PROS1: variants seen among roughly 807,000 people sequenced by gnomAD.
The protein encoded by PROS1 is protein S.
Under a neutral mutation model 75.9 loss-of-function variants are expected in PROS1, and 29 were observed. The observed-to-expected ratio is 0.38, with a 90% confidence interval of 0.28 to 0.52. The LOEUF (loss-of-function observed/expected upper bound fraction) is 0.52, where lower values mean the gene tolerates loss of function less well. PROS1 is among the 20% of genes least tolerant of loss of function. PROS1 has a pLI of 0.83. For synonymous variants in PROS1, 245 were observed against 280.6 expected, an observed-to-expected ratio of 0.87 and a Z score of 1.27; for missense variants, 680 against 810.3, an observed-to-expected ratio of 0.84 and a Z score of 1.95.
chr3:93,886,480 A>G lies in PROS1; in HGVS notation c.1179T>C (p.His393=), dbSNP rs373182289. The G allele has an allele frequency of 1.9e-6, 3 of 1,609,898 alleles. No individual in the cohort carries two copies. The highest frequency in any genetic ancestry group is 2.6e-6 in the Non-Finnish European group (3 of 1,176,434). The change falls in exon 11 of 15, where the codon CAT becomes CAC. Residue 393 remains histidine (H), a synonymous_variant. Transcript: ENST00000394236. ...CTTTAGCTATTTTAATGCTAATACTATGTTCTAATTCTTCCACAGACACCT... is the reference window on the plus strand; with the variant it reads ...CTTTAGCTATTTTAATGCTAATACTGTGTTCTAATTCTTCCACAGACACCT... The part of the protein sequence containing the change: ...WNMVSVEELE[H]SISIKIAKEA...
intron 1 of PROS1, among the ~76,000 whole-genome samples, chr3:93,930,256 T>C (rs976257403): frequency 2.6e-5 from 4 of 152,260 alleles, no homozygotes; most frequent in Non-Finnish European, 5.9e-5. Context: ...AAGTGTGTTA[T>C]TGACTTATCA....
chr3:93,932,187 G>A (rs1216666883), intron 1 of PROS1, among the ~76,000 whole-genome samples: 1 of 152,196 alleles, frequency 6.6e-6, no homozygotes, highest in Non-Finnish European at 1.5e-5. Context: ...TGACATATGA[G>A]CACATAAATG....
intron 6 of PROS1, 76 bp downstream of exon 6, chr3:93,905,708 T>C: frequency 7.9e-6 from 12 of 1,525,266 alleles, no homozygotes; most frequent in Non-Finnish European, 9.9e-6. Context: ...TTTCCAAAAA[T>C]TTGCTAGTAA....
intron 10 of PROS1, among the ~76,000 whole-genome samples, chr3:93,889,936 AGGGTC>A (rs1708406549): frequency 6.6e-6 from 1 of 152,180 alleles, no homozygotes; most frequent in Admixed American, 6.5e-5. Context: ...GACTGCGTGC[AGGGTC>A]GGGCAAAATA....
intron 2 of PROS1, 98 bp downstream of exon 2, chr3:93,927,152 G>T: frequency 6.8e-7 from 1 of 1,468,606 alleles, no homozygotes; most frequent in South Asian, 1.2e-5. Context: ...CAGAATTATT[G>T]ACTTTAAGAT....
chr3:93,927,016 G>A (rs1242703540), intron 2 of PROS1, among the ~76,000 whole-genome samples: 2 of 152,160 alleles, frequency 1.3e-5, no homozygotes, highest in Non-Finnish European at 2.9e-5. Flanking sequence ...TGATAATGAG[G>A]TGTAACTGAA....
At chr3:93,919,170 A>T (rs1336584978) in intron 3 of PROS1, among the ~76,000 whole-genome samples, 5 of 152,194 alleles carry the variant, frequency 3.3e-5, no homozygotes, top group Admixed American at 3.3e-4. Context: ...TACCTGCATA[A>T]CAATTTCTTT....
intron 1 of PROS1, among the ~76,000 whole-genome samples, chr3:93,951,138 AG>A (rs1399255916): frequency 1.3e-5 from 2 of 152,186 alleles, no homozygotes; most frequent in African/African-American, 4.8e-5. Flanking sequence ...CTGAAAGTGA[AG>A]GGGAGAATGC....
intron 1 of PROS1, among the ~76,000 whole-genome samples, chr3:93,956,657 A>C (rs1262261943): frequency 1.3e-5 from 2 of 151,772 alleles, no homozygotes; most frequent in Non-Finnish European, 2.9e-5. Flanking sequence ...TTTGTGACTG[A>C]ATTTTGTGGT....
At chr3:93,956,270 T>C (rs1709596291) in intron 1 of PROS1, among the ~76,000 whole-genome samples, 1 of 152,184 alleles carries the variant, frequency 6.6e-6, no homozygotes, top group Non-Finnish European at 1.5e-5. Flanking sequence ...TCTTTGGTTC[T>C]CAAGAATTTT....
intron 3 of PROS1, among the ~76,000 whole-genome samples, chr3:93,923,076 GGTCTGAGCCTGGATCCCACATCTTGT>G (rs1361445826): frequency 6.6e-6 from 1 of 152,134 alleles, no homozygotes; most frequent in Non-Finnish European, 1.5e-5. Context: ...AAAATTTTTA[GGTCTGAGCCTGGATCCCACATCTTGT>G]GTTTTTGTTT....
chr3:93,962,711 C>T (rs530239256), intron 1 of PROS1, among the ~76,000 whole-genome samples: 31 of 152,074 alleles, frequency 2.0e-4, no homozygotes, highest in Admixed American at 4.6e-4. Context: ...AGACTCAAAC[C>T]CAAAGCTTTC....
intron 12 of PROS1, among the ~76,000 whole-genome samples, chr3:93,880,218 G>GA (rs574081010): frequency 4.7e-4 from 72 of 151,798 alleles, no homozygotes; most frequent in African/African-American, 1.0e-3. Context: ...CCATCCAGAA[G>GA]AAAAAAAATA....
chr3:93,965,412 C>T (rs1478035168), intron 1 of PROS1, among the ~76,000 whole-genome samples: 1 of 152,234 alleles, frequency 6.6e-6, no homozygotes, highest in Non-Finnish European at 1.5e-5. Context: ...GCCATTGTTC[C>T]TGCATGGCTA....
intron 9 of PROS1, among the ~76,000 whole-genome samples, chr3:93,893,647 T>C (rs1340459136): frequency 6.6e-6 from 1 of 151,812 alleles, no homozygotes; most frequent in African/African-American, 2.4e-5. Flanking sequence ...TAATTTCACA[T>C]GTCAGGAATC....
At chr3:93,889,632 C>G (rs1480963812) in intron 10 of PROS1, among the ~76,000 whole-genome samples, 2 of 152,020 alleles carry the variant, frequency 1.3e-5, no homozygotes, top group African/African-American at 4.8e-5. Context: ...AGTCAGGGAC[C>G]CCGAATGGAG....
At chr3:93,914,091 G>A (rs1449506712) in intron 3 of PROS1, among the ~76,000 whole-genome samples, 49 of 152,232 alleles carry the variant, frequency 3.2e-4, no homozygotes, top group African/African-American at 1.1e-3. Context: ...TTTGCTGGGC[G>A]TAGGCCATGC....
chr3:93,962,332 T>C (rs1161907592), intron 1 of PROS1, among the ~76,000 whole-genome samples: 1 of 152,184 alleles, frequency 6.6e-6, no homozygotes, highest in Non-Finnish European at 1.5e-5. Context: ...AAATAGAGGC[T>C]GTACTTCAAC....
At chr3:93,951,975 G>T (rs1040283098) in intron 1 of PROS1, among the ~76,000 whole-genome samples, 1 of 152,110 alleles carries the variant, frequency 6.6e-6, no homozygotes, top group Admixed American at 6.6e-5. Context: ...AAGATCAAAA[G>T]AGACAAAGAA....
Sources: gnomAD v4.1 joint callset for allele counts (sites outside exome capture counted in the v4.1 genomes callset) on GRCh38, gnomAD v4.1.1 for gene constraint, MANE v1.5 for transcripts, NCBI Gene and HGNC (gene_info 2026-07-23, HGNC 2026-07-21) for gene names.